The following MAN2C1 variants were observed in gnomAD, a reference collection of about 807,000 sequenced individuals.
The protein encoded by MAN2C1 is mannosidase alpha class 2C member 1, also known as alpha-mannosidase 2C1.
In MAN2C1, 111 loss-of-function variants were observed where a neutral mutation model predicts 126.9. That is an observed-to-expected ratio of 0.87 (90% confidence interval 0.75 to 1.02). The LOEUF is 1.02. MAN2C1 is among the 50% of genes least tolerant of loss of function. MAN2C1 has a pLI of 0.00. For missense variants in MAN2C1, 1,363 were observed against 1,364.4 expected (o/e 1.00, Z 0.02); for synonymous variants, 567 against 561.5 (o/e 1.01, Z -0.14).
At position 75,356,326 on chromosome 15, in the gene MAN2C1, G is replaced by GTTTC. The variant is rs2072297471; in HGVS notation, c.2860_2861insGAAA (p.Ala954GlyfsTer26). 1.9e-6 allele frequency: 3 copies of GTTTC among 1,612,010 alleles called. No homozygotes were observed. Among genetic ancestry groups the GTTTC allele is most frequent in the Non-Finnish European group, 2.5e-6 (3 of 1,179,402 alleles). ...CTGCTTGACGGTCTCCAATACGACC[G>GTTTC]CGGGTGAAGACACGGAAAACGCACT... is the stretch of plus-strand genomic sequence containing the variant. On this transcript the variant is annotated frameshift_variant, in exon 24 of 26. Coordinates refer to ENST00000267978, the MANE Select transcript of MAN2C1 (RefSeq NM_006715.4). LOFTEE classifies it high-confidence loss of function. The surrounding 1 kb of genome is among the most constrained non-coding windows in gnomAD (Gnocchi z 5.8).
intron 21 of MAN2C1, chr15:75,357,615 G>C (rs1420672220): frequency 2.2e-5 from 3 of 134,620 alleles, no homozygotes; most frequent in Non-Finnish European, 4.7e-5. Flanking sequence ...GCCAATTTTT[G>C]TATTTTTTTT....
At chr15:75,368,400 G>A (rs2072634497) in intron 1 of MAN2C1, 83 bp downstream of exon 1, 2 of 1,456,966 alleles carry the variant, frequency 1.4e-6, no homozygotes, top group Non-Finnish European at 1.9e-6. Flanking sequence ...GGCCCGGGTG[G>A]CTGCAGCTTA....
At chr15:75,363,057 A>G in intron 6 of MAN2C1, 1 of 409,800 alleles carries the variant, frequency 2.4e-6, no homozygotes, top group African/African-American at 2.1e-5. Flanking sequence ...AGTAGCAGGG[A>G]CTACCCTGCC....
rs967033543 is a variant in MAN2C1, at chr15:75,356,156, C to T, written c.2950G>A (p.Val984Met). Reference protein sequence around the residue: ...LRLYEAHGSHVDCWLHLSLPV... With the variant: ...LRLYEAHGSHMDCWLHLSLPV... ...AGCGACAAGTGCAGCCAGCAGTCCA[C>T]GTGGCTGCCGTGGGCCTCATACAGC... The change falls in exon 25 of 26, where the codon GTG becomes ATG. Residue 984 changes from valine (V) to methionine (M), a missense_variant. Around this residue, in one of 3 missense-constraint regions of MAN2C1, gnomAD observed 668 missense variants for 650.1 expected, o/e 1.03. Transcript: ENST00000267978. The surrounding 1 kb of genome is among the most constrained non-coding windows in gnomAD (Gnocchi z 5.8). 3.7e-6 allele frequency: 6 copies of T among 1,613,570 alleles called. No individual in the cohort carries two copies. The highest frequency in any genetic ancestry group is 3.3e-5 in the South Asian group (3 of 91,082).
chr15:75,366,571 T>TC lies in MAN2C1; in HGVS notation c.372dup (p.Lys125GlufsTer8). 1 of 1,613,422 alleles carries TC rather than the reference T, an allele frequency of 6.2e-7. No individual in the cohort carries two copies. The highest frequency in any genetic ancestry group is 1.1e-5 in the South Asian group (1 of 90,914). ...CTGTCAGTCAGGACATAGCTGGTCT[T>TC]CTCACCCTCTTTGGTTAAACCCTAG... On this transcript the variant is annotated frameshift_variant, in exon 4 of 26. Coordinates refer to ENST00000267978, the MANE Select transcript of MAN2C1 (RefSeq NM_006715.4). LOFTEE classifies it high-confidence loss of function.
At chr15:75,367,388 C>A in intron 3 of MAN2C1, 123 bp downstream of exon 3, 1 of 1,316,308 alleles carries the variant, frequency 7.6e-7, no homozygotes, top group Non-Finnish European at 1.0e-6. Flanking sequence ...GTCCTGAAAT[C>A]CTGATACCAC....
chr15:75,357,219 C>T (rs956945051), intron 21 of MAN2C1: 9 of 257,244 alleles, frequency 3.5e-5, no homozygotes, highest in Non-Finnish European at 5.3e-5. Flanking sequence ...TCTCGGCTCA[C>T]TGCAACCTCC....
Position 75,368,576 on chromosome 15 carries a change from G to C in MAN2C1, c.8C>G (p.Ala3Gly), listed in dbSNP as rs2072642124. 2.6e-6 allele frequency: 4 copies of C among 1,542,708 alleles called. No homozygotes were observed. Among genetic ancestry groups the C allele is most frequent in the Non-Finnish European group, 3.5e-6 (4 of 1,144,772 alleles). MA[A>G]APALKHWRTT... The stretch of plus-strand genomic sequence containing the variant: ...GCGCCAGTGCTTCAAGGCCGGCGCA[G>C]CCGCCATCGCCGGGCTCTCGCTCCT... Residue 3 changes from alanine (A) to glycine (G), a missense_variant, in exon 1 of 26, where the codon GCT (alanine) becomes GGT (glycine). Physicochemically the swap from Ala to Gly is moderately conservative, Grantham distance 60 (BLOSUM62 0). This residue lies in a region of MAN2C1 where 628 missense variants were observed against 609.8 expected (regional missense o/e 1.03). Coordinates refer to ENST00000267978, the MANE Select transcript of MAN2C1 (RefSeq NM_006715.4).
rs1411140663 is a variant in MAN2C1, at chr15:75,362,546, A to G, written c.898-93T>C. On this transcript the variant is annotated intron_variant, in intron 7 of 25. Transcript: ENST00000267978. The surrounding 1 kb of genome is among the most constrained non-coding windows in gnomAD (Gnocchi z 4.5). ...ACTCAGTGTGTGGCTGAGGGTGAGGAGCAGCCCTGACCCCAGGCCTGGGAA... is the reference window on the plus strand; with the variant it reads ...ACTCAGTGTGTGGCTGAGGGTGAGGGGCAGCCCTGACCCCAGGCCTGGGAA... The G allele has an allele frequency of 6.6e-7, 1 of 1,514,186 alleles. No individual in the cohort carries two copies. Among genetic ancestry groups the G allele is most frequent in the Non-Finnish European group, 9.1e-7 (1 of 1,103,216 alleles). 93.8% of individuals were successfully genotyped at this position (1,514,186 alleles called of 1,614,324 possible).
intron 2 of MAN2C1, 98 bp downstream of exon 2, chr15:75,367,972 AGTT>A (rs1415260051): frequency 2.1e-6 from 3 of 1,404,184 alleles, no homozygotes; most frequent in Non-Finnish European, 2.9e-6. Context: ...GATCCCACGT[AGTT>A]GTCTACGGCA....
In MAN2C1 at chr15:75,361,776, C is replaced by A; in HGVS notation, c.1102-56G>T. The A allele has an allele frequency of 6.3e-7, 1 of 1,589,318 alleles. No individual in the cohort carries two copies. Among genetic ancestry groups the A allele is most frequent in the Non-Finnish European group, 8.6e-7 (1 of 1,157,658 alleles). ...AACCAGAGCTCCAGGCGGACTCACC[C>A]CAGCCTCAGCCCCTCAGCACTCCAA... On this transcript the variant is annotated intron_variant, in intron 9 of 25. Transcript: ENST00000267978. The surrounding 1 kb of genome is among the most constrained non-coding windows in gnomAD (Gnocchi z 5.0).
rs115720383 is a variant in MAN2C1, at chr15:75,362,913, G to A, written c.791-165C>T. 3,820 of 621,016 alleles carry A rather than the reference G, an allele frequency of 6.2e-3. 107 individuals carry two copies. In the African/African-American group the frequency reaches 0.064, roughly 10 times the overall value. 38.5% of individuals were successfully genotyped at this position (621,016 alleles called of 1,614,324 possible). A position where few individuals can be genotyped will look rare whatever the true frequency, so the allele number is the denominator to read the frequency against. On this transcript the variant is annotated intron_variant, in intron 6 of 25. Transcript: ENST00000267978. The surrounding 1 kb of genome is among the most constrained non-coding windows in gnomAD (Gnocchi z 4.5). ...TCACTTCACTTCACTCCAGCGAGGT[G>A]GGAGGAGGGGCTGGGGAAAGGAGGC...
rs902942850 is a variant in MAN2C1 at position 75,366,536 on chromosome 15, T to C, written c.408A>G (p.Glu136=). 6.8e-6 allele frequency: 11 copies of C among 1,613,464 alleles called. No individual in the cohort carries two copies. The highest frequency in any genetic ancestry group is 1.7e-5 in the Admixed American group (1 of 59,964). Residue 136 remains glutamate (E), a synonymous_variant, in exon 4 of 26, where the codon GAA becomes GAG. Coordinates refer to ENST00000267978, the MANE Select transcript of MAN2C1 (RefSeq NM_006715.4). ...CAGGGACTCACCTTCGGGGGTCTCT[T>C]TCCCCCAGCCTGTCAGTCAGGACAT... The part of the protein sequence containing the change: ...TSYVLTDRLG[E]RDPRSLTLYV...
rs199706127 is a variant in MAN2C1, at chr15:75,355,898, C to T, written c.*8G>A. 1.9e-3 allele frequency: 3,130 copies of T among 1,614,126 alleles called. 72 individuals carry two copies. In the South Asian group the frequency reaches 0.032, roughly 17 times the overall value. ...GCCTTCTACAAACAAAACCCCAGCCCCAGGGACTCAGTGTGGCGGAGGCTG... is the reference window on the plus strand; with the variant it reads ...GCCTTCTACAAACAAAACCCCAGCCTCAGGGACTCAGTGTGGCGGAGGCTG... On this transcript the variant is annotated 3_prime_UTR_variant, in exon 26 of 26. Transcript: ENST00000267978.
Position 75,361,185 on chromosome 15 carries a change from T to C in MAN2C1, c.1321A>G (p.Lys441Glu). ...TTGTCCCGGTTGTTGGCCACGGTCT[T>C]CAGCACCTAGACAGGTGAGGGCAGG... ...GMQGSVEEVL[K>E]TVANNRDKGR... The change falls in exon 12 of 26, where the codon AAG becomes GAG. Residue 441 changes from lysine (K) to glutamate (E), a missense_variant. Transcript: ENST00000267978. This position sits in a 1 kb window ranked among gnomAD's most constrained non-coding sequence, Gnocchi z 5.0. 6.2e-7 allele frequency: 1 copy of C among 1,612,404 alleles called. No homozygotes were observed. Among genetic ancestry groups the C allele is most frequent in the Non-Finnish European group, 8.5e-7 (1 of 1,179,484 alleles).
In MAN2C1 at chr15:75,356,403, G is replaced by T. The variant is rs1452739214; in HGVS notation, c.2784C>A (p.Asn928Lys). ...GGGCTGGCAGAGCCAACAGGGGGAA[G>T]TTTAGGCTGTAGGCAGCTTGGATAA... ...AGVIQAAYSLNFPLLALPAPS... is the reference protein window; with the variant it reads ...AGVIQAAYSLKFPLLALPAPS... The change falls in exon 24 of 26, where the codon AAC becomes AAA. Residue 928 changes from asparagine (N) to lysine (K), a missense_variant. By Grantham distance (94) the Asn-to-Lys change is moderately conservative (BLOSUM62 0). This residue lies in a region of MAN2C1 where 668 missense variants were observed against 650.1 expected (regional missense o/e 1.03). Transcript: ENST00000267978. The surrounding 1 kb of genome is among the most constrained non-coding windows in gnomAD (Gnocchi z 5.8). 3 of 1,610,294 alleles carry T rather than the reference G, an allele frequency of 1.9e-6. No homozygotes were observed. Among genetic ancestry groups the T allele is most frequent in the East Asian group, 2.2e-5 (1 of 44,800 alleles).
Position 75,362,731 on chromosome 15 carries a change from T to C in MAN2C1, c.808A>G (p.Lys270Glu). 6.2e-7 allele frequency: 1 copy of C among 1,614,040 alleles called. No homozygotes were observed. Among genetic ancestry groups the C allele is most frequent in the Non-Finnish European group, 8.5e-7 (1 of 1,179,976 alleles). Residue 270 changes from lysine (K) to glutamate (E), a missense_variant, in exon 7 of 26, where the codon AAA becomes GAA. Lys to Glu is a moderately conservative substitution (Grantham distance 56, BLOSUM62 1). Transcript: ENST00000267978. This position sits in a 1 kb window ranked among gnomAD's most constrained non-coding sequence, Gnocchi z 4.5. ...HIDTAWLWPFKETVRKCARSW... is the reference protein window; with the variant it reads ...HIDTAWLWPFEETVRKCARSW... ...CGGGCACATTTCCTCACAGTCTCTTTGAAGGGCCAAAGCCAGGCTATACGG... is the reference window on the plus strand; with the variant it reads ...CGGGCACATTTCCTCACAGTCTCTTCGAAGGGCCAAAGCCAGGCTATACGG...
At chr15:75,367,440 A>T in intron 3 of MAN2C1, 71 bp downstream of exon 3, 6 of 1,568,824 alleles carry the variant, frequency 3.8e-6, no homozygotes, top group Non-Finnish European at 5.2e-6. Context: ...TCCAGAGTCC[A>T]CAGAAGAAGG....
Position 75,360,073 on chromosome 15 carries a change from G to T in MAN2C1, c.1706+17C>A, listed in dbSNP as rs201560321. 2.3e-4 allele frequency: 372 copies of T among 1,614,036 alleles called. No individual in the cohort carries two copies. Among genetic ancestry groups the T allele is most frequent in the Non-Finnish European group, 2.8e-4 (336 of 1,180,004 alleles). On this transcript the variant is annotated intron_variant, in intron 14 of 25. Transcript: ENST00000267978. ...AGTGAGCAGTCAGGTGGATGGCAGG[G>T]ACAGAACTGGGCTGACCTCCAGAGG...
Sources: allele counts gnomAD v4.1 joint callset, GRCh38; gene constraint gnomAD v4.1.1; regional missense constraint gnomAD v4.1.1; non-coding constraint Gnocchi (gnomAD v3.1); transcripts MANE v1.5; gene names NCBI Gene and HGNC (gene_info 2026-07-23, HGNC 2026-07-21).